The following RAD51B variants were observed in gnomAD, a reference collection of about 807,000 sequenced individuals.
RAD51B encodes the protein DNA repair protein RAD51 homolog 2.
Under a neutral mutation model 42.2 loss-of-function variants are expected in RAD51B, and 38 were observed. The ratio of observed to expected loss-of-function variants is 0.90; its 90% CI spans 0.70 to 1.18. The LOEUF is 1.18. Among genes scored for constraint, RAD51B ranks in the 50% most tolerant of loss-of-function variants. RAD51B has a pLI of 0.00. For missense variants in RAD51B, 373 were observed against 400.7 expected (o/e 0.93, Z 0.59); for synonymous variants, 154 against 145.2 (o/e 1.06, Z -0.43).
chr14:68,339,549 A>G, intron 8 of RAD51B: 1 of 366,070 alleles, frequency 2.7e-6, no homozygotes, highest in East Asian at 4.7e-5. Flanking sequence ...GGGAGGAGAG[A>G]CTTATGGTTG....
chr14:68,020,558 C>G (rs2075847389), intron 7 of RAD51B, among the ~76,000 whole-genome samples: 1 of 152,000 alleles, frequency 6.6e-6, no homozygotes, highest in Non-Finnish European at 1.5e-5. Flanking sequence ...CTAAAATTGT[C>G]CACTATTAAC....
intron 7 of RAD51B, among the ~76,000 whole-genome samples, chr14:68,208,528 A>C (rs144876035): frequency 6.6e-6 from 1 of 152,228 alleles, no homozygotes; most frequent in Admixed American, 6.5e-5. Flanking sequence ...CTTGTTTTCT[A>C]TGCAGTATAT....
At chr14:68,101,831 G>T (rs2077295418) in intron 7 of RAD51B, among the ~76,000 whole-genome samples, 1 of 152,216 alleles carries the variant, frequency 6.6e-6, no homozygotes, top group Non-Finnish European at 1.5e-5. Context: ...CTCTCTGAGG[G>T]GGCTCCAACC....
At chr14:67,968,209 A>T (rs1446690470) in intron 7 of RAD51B, among the ~76,000 whole-genome samples, 2 of 152,204 alleles carry the variant, frequency 1.3e-5, no homozygotes, top group African/African-American at 4.8e-5. Flanking sequence ...GGCCCAGCCC[A>T]TGAAACCATT....
chr14:68,433,865 C>T (rs1353176687), intron 9 of RAD51B, among the ~76,000 whole-genome samples: 1 of 152,188 alleles, frequency 6.6e-6, no homozygotes, highest in Non-Finnish European at 1.5e-5. Context: ...GTTTTTTCCC[C>T]ATCTTTGTGG....
intron 7 of RAD51B, among the ~76,000 whole-genome samples, chr14:68,015,234 T>C (rs2075757630): frequency 6.6e-6 from 1 of 152,232 alleles, no homozygotes; most frequent in Non-Finnish European, 1.5e-5. Flanking sequence ...TGTGCGCTCC[T>C]ATTCATTAAA....
intron 7 of RAD51B, among the ~76,000 whole-genome samples, chr14:67,967,312 G>T (rs2074800241): frequency 6.6e-6 from 1 of 152,092 alleles, no homozygotes; most frequent in Non-Finnish European, 1.5e-5. Context: ...TCAGCCTCTG[G>T]CCCCCTCAAA....
intron 9 of RAD51B, among the ~76,000 whole-genome samples, chr14:68,467,031 C>G (rs1376539098): frequency 1.3e-5 from 2 of 152,200 alleles, no homozygotes; most frequent in Non-Finnish European, 2.9e-5. Flanking sequence ...TCTTCCTTCT[C>G]TCTTGCCTCC....
At chr14:68,611,781 C>T (rs1891689545), downstream of RAD51B, among the ~76,000 whole-genome samples, 2 of 152,218 alleles carry the variant, frequency 1.3e-5, no homozygotes, top group Admixed American at 1.3e-4. Context: ...AGGACTCCCA[C>T]CAGATTAGGC....
intron 7 of RAD51B, among the ~76,000 whole-genome samples, chr14:68,111,611 T>C (rs2077460580): frequency 6.6e-6 from 1 of 152,052 alleles, no homozygotes; most frequent in African/African-American, 2.4e-5. Context: ...TACAATACCA[T>C]CCTACGTACT....
intron 7 of RAD51B, among the ~76,000 whole-genome samples, chr14:68,289,713 C>CAA (rs34794914): frequency 1.4e-4 from 16 of 115,550 alleles, no homozygotes; most frequent in African/African-American, 4.5e-4. Flanking sequence ...GATCCTGTCT[C>CAA]AAAAAAAAAA....
At chr14:68,682,403 C>T (rs1893451090) in intron 11 of RAD51B, among the ~76,000 whole-genome samples, 1 of 152,204 alleles carries the variant, frequency 6.6e-6, no homozygotes, top group Non-Finnish European at 1.5e-5. Context: ...GAGTCTCTCC[C>T]AAAAGTTCTC....
At chr14:68,060,426 A>G (rs1163045750) in intron 7 of RAD51B, among the ~76,000 whole-genome samples, 1 of 152,214 alleles carries the variant, frequency 6.6e-6, no homozygotes, top group Non-Finnish European at 1.5e-5. Context: ...CTACTTTCTC[A>G]GAATGCAAGT....
intron 7 of RAD51B, among the ~76,000 whole-genome samples, chr14:68,072,077 A>AT (rs1566622944): frequency 0.018 from 2,094 of 119,368 alleles, 38 homozygotes; most frequent in Non-Finnish European, 0.024. Flanking sequence ...ATAAATATAT[A>AT]AATATATATA....
At chr14:68,620,159 T>C (rs1332323834) in intron 10 of RAD51B, among the ~76,000 whole-genome samples, 1 of 152,218 alleles carries the variant, frequency 6.6e-6, no homozygotes, top group East Asian at 1.9e-4. Context: ...ATATTGCATC[T>C]TTCTTTTAGA....
intron 7 of RAD51B, among the ~76,000 whole-genome samples, chr14:67,985,569 A>G (rs945375463): frequency 6.6e-6 from 1 of 152,140 alleles, no homozygotes; most frequent in African/African-American, 2.4e-5. Flanking sequence ...TTAATACAGC[A>G]GCTTTTTAGC....
chr14:68,673,538 A>T (rs1306394914), intron 11 of RAD51B, among the ~76,000 whole-genome samples: 1 of 151,614 alleles, frequency 6.6e-6, no homozygotes, highest in Non-Finnish European at 1.5e-5. Context: ...ACACACATAC[A>T]CATACATATG....
chr14:68,258,006 A>G (rs970622038), intron 7 of RAD51B, among the ~76,000 whole-genome samples: 1 of 152,226 alleles, frequency 6.6e-6, no homozygotes, highest in Non-Finnish European at 1.5e-5. Context: ...TGTTTAGTAT[A>G]GTTTTTTTAA....
intron 7 of RAD51B, among the ~76,000 whole-genome samples, chr14:67,945,074 C>G (rs1279004496): frequency 6.6e-6 from 1 of 152,154 alleles, no homozygotes; most frequent in African/African-American, 2.4e-5. Context: ...CCTCCTTTGG[C>G]TACAATGAGT....
Sources: gnomAD v4.1 joint callset for allele counts (sites outside exome capture counted in the v4.1 genomes callset) on GRCh38, gnomAD v4.1.1 for gene constraint, MANE v1.5 for transcripts, NCBI Gene and HGNC (gene_info 2026-07-23, HGNC 2026-07-21) for gene names.